The following TSHZ2 variants were observed in gnomAD, a reference collection of about 807,000 sequenced individuals.
TSHZ2 encodes the protein teashirt homolog 2.
A neutral mutation model predicts 74.4 loss-of-function variants in TSHZ2; 21 were observed. The ratio of observed to expected loss-of-function variants is 0.28; its 90% CI spans 0.20 to 0.41. The LOEUF (loss-of-function observed/expected upper bound fraction) is 0.41, where lower values mean the gene tolerates loss of function less well. Ranked by LOEUF, TSHZ2 falls within the 10% of genes least tolerant of loss-of-function variation. The pLI is 1.00. For missense variants in TSHZ2, 1,244 were observed against 1,293.5 expected, an observed-to-expected ratio of 0.96 and a Z score of 0.59; for synonymous variants, 540 against 515.3, an observed-to-expected ratio of 1.05 and a Z score of -0.65.
chr20:53,479,537 C>G (rs1395363688), intron 2 of TSHZ2, among the ~76,000 whole-genome samples: 1 of 152,114 alleles, frequency 6.6e-6, no homozygotes, highest in Non-Finnish European at 1.5e-5. Flanking sequence ...TCTAAAATGG[C>G]AAATAACTCC....
intron 1 of TSHZ2, among the ~76,000 whole-genome samples, chr20:53,246,980 G>C (rs1253688901): frequency 6.6e-6 from 1 of 152,158 alleles, no homozygotes; most frequent in East Asian, 1.9e-4. Flanking sequence ...TTGTTGTTTT[G>C]ATGACCACCA....
At chr20:53,160,631 T>C (rs879449246) in intron 1 of TSHZ2, among the ~76,000 whole-genome samples, 4 of 151,224 alleles carry the variant, frequency 2.6e-5, no homozygotes, top group Non-Finnish European at 5.9e-5. Context: ...TAACTTGGCA[T>C]GGTGGTGCAC....
rs200401979 is a variant in TSHZ2 at position 53,491,079 on chromosome 20, ACC to A, written c.*3947_*3948del. On this transcript the variant is annotated 3_prime_UTR_variant, in exon 3 of 3. Transcript: ENST00000371497. ...GCTTTTGTTTAAAAAAAAAAAAAAA[ACC>A]CCAAATGTCATTTTTCACATTATCC... 5 of 93,738 alleles carry A rather than the reference ACC, an allele frequency of 5.3e-5. No individual in the cohort carries two copies. Among genetic ancestry groups the A allele is most frequent in the East Asian group, 3.4e-4 (1 of 2,914 alleles). 5.8% of individuals were successfully genotyped at this position (93,738 alleles called of 1,614,324 possible).
intron 1 of TSHZ2, among the ~76,000 whole-genome samples, chr20:52,975,399 A>C (rs6022194): frequency 0.28 from 42,526 of 151,830 alleles, 6,949 homozygotes; most frequent in East Asian, 0.62. Flanking sequence ...TAATTATCCT[A>C]CGATCGATAA....
chr20:53,145,558 G>T (rs181394237), intron 1 of TSHZ2, among the ~76,000 whole-genome samples: 32 of 152,300 alleles, frequency 2.1e-4, no homozygotes, highest in Admixed American at 4.6e-4. Flanking sequence ...CAGCCCAGTG[G>T]GCAGCAGGAG....
chr20:53,327,670 G>C (rs181313451), intron 2 of TSHZ2, among the ~76,000 whole-genome samples: 28 of 152,332 alleles, frequency 1.8e-4, no homozygotes, highest in African/African-American at 6.5e-4. Context: ...CAAGCACTGA[G>C]CTAGGGCTGG....
At chr20:53,466,949 C>T (rs1305152604) in intron 2 of TSHZ2, among the ~76,000 whole-genome samples, 2 of 152,222 alleles carry the variant, frequency 1.3e-5, no homozygotes, top group East Asian at 1.9e-4. Flanking sequence ...GGTTAGAGAA[C>T]AGGCTTTGAA....
chr20:53,377,917 A>T (rs1191445200), intron 2 of TSHZ2, among the ~76,000 whole-genome samples: 1 of 152,110 alleles, frequency 6.6e-6, no homozygotes, highest in Non-Finnish European at 1.5e-5. Flanking sequence ...CTGGCCCTGG[A>T]TTAGATGCTT....
Position 53,256,102 on chromosome 20 carries a change from C to T in TSHZ2, c.2644C>T (p.Arg882Cys), listed in dbSNP as rs936223880. ...GCTGTCTGATCTGGGCCCACAAGAG[C>T]GTATGCAAATCTCTAAGTTTACGGG... ...YLLSDLGPQERMQISKFTGLS... is the reference protein window; with the variant it reads ...YLLSDLGPQECMQISKFTGLS... Residue 882 changes from arginine (R) to cysteine (C), a missense_variant, in exon 2 of 3, where the codon CGT becomes TGT. Transcript: ENST00000371497. The surrounding 1 kb of genome is among the most constrained non-coding windows in gnomAD (Gnocchi z 4.3). 7 of 1,614,000 alleles carry T rather than the reference C, an allele frequency of 4.3e-6. No individual in the cohort carries two copies. Among genetic ancestry groups the T allele is most frequent in the South Asian group, 1.1e-5 (1 of 91,082 alleles).
intron 1 of TSHZ2, among the ~76,000 whole-genome samples, chr20:53,231,248 T>G (rs1414747162): frequency 6.6e-6 from 1 of 152,222 alleles, no homozygotes; most frequent in East Asian, 1.9e-4. Context: ...AGACAGAATA[T>G]AGGGCATTCT....
intron 2 of TSHZ2, among the ~76,000 whole-genome samples, chr20:53,366,077 G>T (rs1033346799): frequency 1.3e-5 from 2 of 152,192 alleles, no homozygotes; most frequent in Admixed American, 6.5e-5. Flanking sequence ...AGAAAAAGAA[G>T]GGGGAATACA....
intron 2 of TSHZ2, among the ~76,000 whole-genome samples, chr20:53,403,649 A>G (rs933433454): frequency 6.6e-6 from 1 of 152,234 alleles, no homozygotes; most frequent in Non-Finnish European, 1.5e-5. Flanking sequence ...AGGGGTGCCA[A>G]TGTGGCTGCT....
intron 1 of TSHZ2, among the ~76,000 whole-genome samples, chr20:53,223,024 A>G (rs1455028106): frequency 6.6e-6 from 1 of 152,190 alleles, no homozygotes; most frequent in Non-Finnish European, 1.5e-5. Flanking sequence ...CTTCATTCGA[A>G]CAAGCCACCT....
At chr20:52,991,769 G>A (rs1015210597) in intron 1 of TSHZ2, among the ~76,000 whole-genome samples, 3 of 148,286 alleles carry the variant, frequency 2.0e-5, no homozygotes, top group Non-Finnish European at 4.6e-5. Context: ...GATTTTGTGT[G>A]GATTATGTAT....
chr20:53,203,941 T>A (rs886092328), intron 1 of TSHZ2, among the ~76,000 whole-genome samples: 1 of 151,920 alleles, frequency 6.6e-6, no homozygotes, highest in South Asian at 2.1e-4. Flanking sequence ...AATTAAAATA[T>A]ACTGTAAGTA....
At chr20:53,472,901 G>T (rs1008623164) in intron 2 of TSHZ2, among the ~76,000 whole-genome samples, 20 of 152,244 alleles carry the variant, frequency 1.3e-4, no homozygotes, top group South Asian at 2.1e-4. Flanking sequence ...GTGACGGACG[G>T]CACCTGGAAA....
intron 1 of TSHZ2, among the ~76,000 whole-genome samples, chr20:53,011,166 A>G (rs530262647): frequency 6.6e-6 from 1 of 152,176 alleles, no homozygotes. Context: ...AAGTCCTCAG[A>G]TGAGTTAATA....
At chr20:53,393,847 T>C (rs1315869815) in intron 2 of TSHZ2, among the ~76,000 whole-genome samples, 3 of 152,232 alleles carry the variant, frequency 2.0e-5, no homozygotes, top group African/African-American at 7.2e-5. Context: ...CAGCTTCCTG[T>C]GAATCTATGA....
chr20:53,343,307 T>G (rs1046662549), intron 2 of TSHZ2, among the ~76,000 whole-genome samples: 1 of 152,110 alleles, frequency 6.6e-6, no homozygotes, highest in African/African-American at 2.4e-5. Flanking sequence ...GCGGCCACAC[T>G]GGGAGTAGCG....
Sources: allele counts gnomAD v4.1 joint callset (sites outside exome capture counted in the v4.1 genomes callset), GRCh38; gene constraint gnomAD v4.1.1; non-coding constraint Gnocchi (gnomAD v3.1); transcripts MANE v1.5; gene names NCBI Gene and HGNC (gene_info 2026-07-23, HGNC 2026-07-21).